Variants in RNF216 observed in about 807,000 individuals in gnomAD.
RNF216 encodes E3 ubiquitin-protein ligase RNF216.
A neutral mutation model predicts 110.8 loss-of-function variants in RNF216; 72 were observed. The ratio of observed to expected loss-of-function variants is 0.65; its 90% CI spans 0.54 to 0.79. The LOEUF (loss-of-function observed/expected upper bound fraction) is 0.79. Ranked by LOEUF, RNF216 falls within the 30% of genes least tolerant of loss-of-function variation. RNF216 has a pLI of 0.00. For synonymous variants in RNF216, 495 were observed against 407.5 expected (o/e 1.21, Z -2.59); for missense variants, 1,342 against 1,141.2 (o/e 1.18, Z -2.54).
intron 8 of RNF216, among the ~76,000 whole-genome samples, chr7:5,722,392 T>C (rs549953468): frequency 1.3e-4 from 20 of 151,810 alleles, no homozygotes; most frequent in African/African-American, 4.6e-4. Flanking sequence ...TTTGTTTGTT[T>C]GTTTTGTTTT....
chr7:5,699,144 A>C (rs1280607870), intron 13 of RNF216, among the ~76,000 whole-genome samples: 2 of 152,240 alleles, frequency 1.3e-5, no homozygotes, highest in African/African-American at 4.8e-5. Context: ...TGATCGACTC[A>C]TAACCAATCT....
At position 5,622,734 on chromosome 7, in the gene RNF216, A is replaced by G; in HGVS notation, c.*126T>C. 9 of 974,014 alleles carry G rather than the reference A, an allele frequency of 9.2e-6. No individual in the cohort carries two copies. Among genetic ancestry groups the G allele is most frequent in the Non-Finnish European group, 1.2e-5 (8 of 661,776 alleles). 60.3% of individuals were successfully genotyped at this position (974,014 alleles called of 1,614,324 possible). ...GCCCTTCTAGGAAAGGGGTGGGAAG[A>G]AAACCAGCCTACCCTTCAAGCTGAC... On this transcript the variant is annotated 3_prime_UTR_variant, in exon 17 of 17. Transcript: ENST00000389902.
chr7:5,652,546 G>C, intron 13 of RNF216, 36 bp from the exon 14 acceptor site: 1 of 1,370,850 alleles, frequency 7.3e-7, no homozygotes, highest in Non-Finnish European at 1.0e-6. Flanking sequence ...ACAACTCCTG[G>C]TGAGTGGACA....
chr7:5,709,982 A>C (rs2128627770), intron 13 of RNF216, among the ~76,000 whole-genome samples: 1 of 152,276 alleles, frequency 6.6e-6, no homozygotes, highest in South Asian at 2.1e-4. Context: ...TCGGACTCCT[A>C]GTCTCAAGAG....
chr7:5,623,708 G>C (rs79645573), intron 16 of RNF216, among the ~76,000 whole-genome samples: 2,884 of 152,170 alleles, frequency 0.019, 80 homozygotes, highest in African/African-American at 0.064. Context: ...AGCTGGGATC[G>C]CAGATGTGTG....
At chr7:5,678,297 T>A (rs1490644275) in intron 13 of RNF216, among the ~76,000 whole-genome samples, 4 of 152,216 alleles carry the variant, frequency 2.6e-5, no homozygotes, top group Non-Finnish European at 5.9e-5. Flanking sequence ...AGACTTTCAA[T>A]TATGTTCTCT....
At chr7:5,712,996 T>C (rs751680889) in intron 11 of RNF216, 133 bp from the exon 12 acceptor site, 7 of 836,420 alleles carry the variant, frequency 8.4e-6, no homozygotes, top group East Asian at 2.7e-5. Context: ...CTCTGAGAAA[T>C]CACACTTAAA....
At chr7:5,725,471 T>C (rs772298697) in intron 7 of RNF216, 33 bp from the exon 8 acceptor site, 3 of 1,260,368 alleles carry the variant, frequency 2.4e-6, no homozygotes, top group East Asian at 2.3e-5. Context: ...GTTCCTTCTG[T>C]AAATAGAAAA....
At chr7:5,724,738 T>A (rs1462451216) in intron 8 of RNF216, among the ~76,000 whole-genome samples, 1 of 152,230 alleles carries the variant, frequency 6.6e-6, no homozygotes, top group African/African-American at 2.4e-5. Context: ...CAGAAAGGGA[T>A]GATCTCTAGA....
intron 13 of RNF216, among the ~76,000 whole-genome samples, chr7:5,673,602 G>C (rs1264581903): frequency 6.6e-6 from 1 of 152,074 alleles, no homozygotes; most frequent in African/African-American, 2.4e-5. Flanking sequence ...CCAGAATGAG[G>C]GTCTGCAAGG....
chr7:5,672,365 G>A (rs1789973126), intron 13 of RNF216, among the ~76,000 whole-genome samples: 2 of 152,142 alleles, frequency 1.3e-5, no homozygotes, highest in Admixed American at 6.6e-5. Context: ...TATATAAAAG[G>A]ATCCCACTCT....
chr7:5,659,526 C>A (rs926186258), intron 13 of RNF216, among the ~76,000 whole-genome samples: 2 of 152,082 alleles, frequency 1.3e-5, no homozygotes, highest in African/African-American at 4.8e-5. Context: ...AGGACTGAGG[C>A]TATAGGAAGG....
At chr7:5,652,589 G>C in intron 13 of RNF216, 79 bp from the exon 14 acceptor site, 1 of 907,818 alleles carries the variant, frequency 1.1e-6, no homozygotes. Flanking sequence ...AAAGGGATAT[G>C]AAATGAGCTT....
At chr7:5,695,047 T>TGGGGA (rs750497968) in intron 13 of RNF216, among the ~76,000 whole-genome samples, 5 of 152,110 alleles carry the variant, frequency 3.3e-5, no homozygotes, top group African/African-American at 7.2e-5. Flanking sequence ...AATGGGCCAA[T>TGGGGA]GGGGACACAG....
rs1160228599 is a variant in RNF216 at position 5,740,916 on chromosome 7, AAAG to A, written c.1044+54_1044+56del. 6.7e-6 allele frequency: 10 copies of A among 1,495,104 alleles called. No individual in the cohort carries two copies. The African/African-American group carries it at 1.1e-4, about 17-fold the overall frequency. 92.6% of individuals were successfully genotyped at this position (1,495,104 alleles called of 1,614,324 possible). A position where few individuals can be genotyped will look rare whatever the true frequency, so the allele number is the denominator to read the frequency against. On this transcript the variant is annotated intron_variant, in intron 4 of 16. Transcript: ENST00000389902. Reference sequence around the variant, plus strand: ...TTTTTTTTTTGCAATGAAAAAAAAAAAAGAAAAAAACTCAGTATATGTAGTGTC... The same window carrying A: ...TTTTTTTTTTGCAATGAAAAAAAAAAAAAAAAACTCAGTATATGTAGTGTC...
intron 11 of RNF216, 24 bp from the exon 12 acceptor site, chr7:5,712,887 G>T: frequency 1.3e-6 from 2 of 1,560,908 alleles, no homozygotes; most frequent in Non-Finnish European, 8.7e-7. Context: ...AAAAGGCAAA[G>T]AAAAAAAAAT....
chr7:5,763,687 C>T (rs1194981027), intron 1 of RNF216, among the ~76,000 whole-genome samples: 3 of 152,134 alleles, frequency 2.0e-5, no homozygotes, highest in Admixed American at 6.5e-5. Flanking sequence ...CCTCCTGCCT[C>T]AGCCTCAGAG....
At chr7:5,757,457 C>A (rs1209870840) in intron 2 of RNF216, among the ~76,000 whole-genome samples, 1 of 151,728 alleles carries the variant, frequency 6.6e-6, no homozygotes, top group Non-Finnish European at 1.5e-5. Context: ...TTTTTCCTTC[C>A]TAACAAAATT....
At chr7:5,650,948 T>C (rs1788348673) in intron 14 of RNF216, among the ~76,000 whole-genome samples, 1 of 152,124 alleles carries the variant, frequency 6.6e-6, no homozygotes, top group Non-Finnish European at 1.5e-5. Context: ...TCCTTCCATA[T>C]CCTTCATATT....
Sources: allele counts gnomAD v4.1 joint callset (sites outside exome capture counted in the v4.1 genomes callset), GRCh38; gene constraint gnomAD v4.1.1; transcripts MANE v1.5; gene names NCBI Gene and HGNC (gene_info 2026-07-23, HGNC 2026-07-21).